The following INPP4A variants were observed in gnomAD, a reference collection of about 807,000 sequenced individuals.
INPP4A encodes the protein inositol polyphosphate-4-phosphatase type I A.
In INPP4A, 33 loss-of-function variants were observed where a neutral mutation model predicts 119.8. The ratio of observed to expected loss-of-function variants is 0.28; its 90% CI spans 0.21 to 0.37. The LOEUF is 0.37. INPP4A is among the 10% of genes least tolerant of loss of function. The probability of loss-of-function intolerance (pLI) is 1.00; values close to 1 mark genes in which losing one functional copy is unlikely to be tolerated. For synonymous variants in INPP4A, 496 were observed against 500.7 expected, an observed-to-expected ratio of 0.99 and a Z score of 0.12; for missense variants, 956 against 1,289.9, an observed-to-expected ratio of 0.74 and a Z score of 3.97.
intron 9 of INPP4A, among the ~76,000 whole-genome samples, 168 bp downstream of exon 9, chr2:98,539,149 C>T (rs1032744585): frequency 9.2e-5 from 14 of 151,874 alleles, no homozygotes; most frequent in African/African-American, 3.4e-4. Context: ...AGAGTTATCA[C>T]AAAAAACAAT....
intron 1 of INPP4A, among the ~76,000 whole-genome samples, chr2:98,465,314 T>C (rs74461703): frequency 0.015 from 2,357 of 152,278 alleles, 69 homozygotes; most frequent in African/African-American, 0.054. Flanking sequence ...ACATCTTCTC[T>C]CCGTGACTCC....
chr2:98,577,271 G>T, intron 24 of INPP4A, 128 bp downstream of exon 24: 1 of 988,824 alleles, frequency 1.0e-6, no homozygotes, highest in South Asian at 2.0e-5. Context: ...CTTCACACTT[G>T]AGTTTGACAA....
chr2:98,485,041 G>A (rs1054397768), intron 1 of INPP4A, among the ~76,000 whole-genome samples: 3 of 151,564 alleles, frequency 2.0e-5, no homozygotes, highest in Non-Finnish European at 4.4e-5. Context: ...CTCTTGAAGC[G>A]AACAGAGTGT....
intron 1 of INPP4A, among the ~76,000 whole-genome samples, chr2:98,470,065 G>A (rs541223416): frequency 1.3e-5 from 2 of 152,312 alleles, no homozygotes; most frequent in Middle Eastern, 3.4e-3. Context: ...GCCCCTGTCC[G>A]TCCACATCTC....
intron 18 of INPP4A, among the ~76,000 whole-genome samples, chr2:98,564,013 C>T (rs989148655): frequency 6.7e-6 from 1 of 150,052 alleles, no homozygotes; most frequent in African/African-American, 2.5e-5. Flanking sequence ...AAACATTGCT[C>T]GTATAACAGT....
Position 98,564,637 on chromosome 2 carries a change from C to T in INPP4A, c.2029-3C>T, listed in dbSNP as rs1446899730. The T allele has an allele frequency of 3.1e-6, 5 of 1,613,240 alleles. No homozygotes were observed. Among genetic ancestry groups the T allele is most frequent in the Non-Finnish European group, 4.2e-6 (5 of 1,179,832 alleles). The stretch of plus-strand genomic sequence containing the variant: ...TGAACCTCTTCACCCCACGCTCCCA[C>T]AGCTGACCGCCCTCATCTGCGGCTT... On this transcript the variant is annotated splice_polypyrimidine_tract_variant and splice_region_variant and intron_variant, in intron 18 of 24. Transcript: ENST00000409851.
intron 1 of INPP4A, among the ~76,000 whole-genome samples, chr2:98,465,947 C>A (rs1008964478): frequency 6.6e-6 from 1 of 152,122 alleles, no homozygotes; most frequent in Non-Finnish European, 1.5e-5. Context: ...GCCCACCTTG[C>A]TCAGTCTCTG....
intron 1 of INPP4A, among the ~76,000 whole-genome samples, chr2:98,514,172 A>G (rs1385602082): frequency 6.6e-6 from 1 of 152,204 alleles, no homozygotes; most frequent in Non-Finnish European, 1.5e-5. Context: ...ATCTCACACC[A>G]TGGAGTCTCC....
intron 1 of INPP4A, among the ~76,000 whole-genome samples, chr2:98,516,346 T>G (rs1409727401): frequency 6.6e-6 from 1 of 152,098 alleles, no homozygotes; most frequent in African/African-American, 2.4e-5. Flanking sequence ...CTCTCTCAAG[T>G]GTAAAATTAG....
At chr2:98,542,930 T>C (rs1691755357) in intron 10 of INPP4A, among the ~76,000 whole-genome samples, 1 of 139,924 alleles carries the variant, frequency 7.1e-6, no homozygotes, top group Non-Finnish European at 1.5e-5. Flanking sequence ...AGCTCCTCTC[T>C]TTTTTTTTTT....
In INPP4A at chr2:98,587,588, T is replaced by G. The variant is rs1386331467; in HGVS notation, c.2899T>G (p.Tyr967Asp). The G allele has an allele frequency of 6.3e-7, 1 of 1,599,758 alleles. No homozygotes were observed. Among genetic ancestry groups the G allele is most frequent in the Non-Finnish European group, 8.5e-7 (1 of 1,176,102 alleles). Residue 967 changes from tyrosine (Y) to aspartate (D), a missense_variant, in exon 25 of 25, where the codon TAC becomes GAC. Tyr to Asp is a radical substitution (Grantham distance 160). Around this residue, in one of 2 missense-constraint regions of INPP4A, gnomAD observed 304 missense variants for 492.1 expected, o/e 0.62. Transcript: ENST00000409851. Reference sequence around the variant, plus strand: ...GCATTACAGGCCTCCCGAAGGGACTTACGGAAAAGTTGAAACGTGAACACA... The same window carrying G: ...GCATTACAGGCCTCCCGAAGGGACTGACGGAAAAGTTGAAACGTGAACACA... ...PKHYRPPEGT[Y>D]GKVET is the part of the protein sequence containing the mutation.
At chr2:98,456,844 T>G (rs1158376905) in intron 1 of INPP4A, among the ~76,000 whole-genome samples, 1 of 152,190 alleles carries the variant, frequency 6.6e-6, no homozygotes, top group African/African-American at 2.4e-5. Context: ...GGGAGGAAGA[T>G]CTTTGTGTTT....
At chr2:98,471,778 C>G (rs771038293) in intron 1 of INPP4A, among the ~76,000 whole-genome samples, 1 of 152,188 alleles carries the variant, frequency 6.6e-6, no homozygotes, top group Non-Finnish European at 1.5e-5. Context: ...CAGGAGTGCC[C>G]GAGAACCCCT....
chr2:98,465,923 C>G (rs1223697815), intron 1 of INPP4A, among the ~76,000 whole-genome samples: 1 of 152,156 alleles, frequency 6.6e-6, no homozygotes, highest in African/African-American at 2.4e-5. Flanking sequence ...TGGCTGTGTG[C>G]CCAGGCTGGC....
intron 1 of INPP4A, among the ~76,000 whole-genome samples, chr2:98,462,515 A>T (rs1322418975): frequency 6.6e-6 from 1 of 151,732 alleles, no homozygotes; most frequent in Non-Finnish European, 1.5e-5. Flanking sequence ...CAGACCTTTT[A>T]TTTTTTTAAT....
At position 98,444,907 on chromosome 2, in the gene INPP4A, G is replaced by C. The variant is rs1449289327; in HGVS notation, c.-344G>C. On this transcript the variant is annotated 5_prime_UTR_variant, in exon 1 of 25. Coordinates refer to ENST00000409851, the MANE Select transcript of INPP4A (RefSeq NM_001134225.2). Reference sequence around the variant, plus strand: ...GGGCTGCGGCGCGCGTGGAGGGTTCGCTGCTGGTTTGCCGCCGGGTCGGGC... The same window carrying C: ...GGGCTGCGGCGCGCGTGGAGGGTTCCCTGCTGGTTTGCCGCCGGGTCGGGC... 2.0e-5 allele frequency: 3 copies of C among 151,512 alleles called. No homozygotes were observed. Among genetic ancestry groups the C allele is most frequent in the African/African-American group, 7.3e-5 (3 of 41,314 alleles). The allele number at this position is 151,512 out of a possible 1,614,324, so 9.4% of individuals were successfully genotyped here.
intron 1 of INPP4A, among the ~76,000 whole-genome samples, chr2:98,470,932 C>G (rs1257041564): frequency 6.6e-6 from 1 of 152,178 alleles, no homozygotes; most frequent in Non-Finnish European, 1.5e-5. Flanking sequence ...TCCCAAAGTA[C>G]TGGGATTACA....
chr2:98,501,522 T>C (rs1406464187), intron 1 of INPP4A, among the ~76,000 whole-genome samples: 5 of 151,764 alleles, frequency 3.3e-5, no homozygotes, highest in African/African-American at 1.2e-4. Flanking sequence ...AATGTTGAGG[T>C]CAAGAACCCC....
intron 21 of INPP4A, among the ~76,000 whole-genome samples, chr2:98,567,012 A>AAGT (rs1696586168): frequency 6.6e-6 from 1 of 152,198 alleles, no homozygotes; most frequent in African/African-American, 2.4e-5. Context: ...ATTGACGCCT[A>AAGT]GGTGTAGGGT....
Sources: allele counts gnomAD v4.1 joint callset (sites outside exome capture counted in the v4.1 genomes callset), GRCh38; gene constraint gnomAD v4.1.1; regional missense constraint gnomAD v4.1.1; transcripts MANE v1.5; gene names NCBI Gene and HGNC (gene_info 2026-07-23, HGNC 2026-07-21).